MAF: variants seen among roughly 807,000 people sequenced by gnomAD.
The protein encoded by MAF is MAF bZIP transcription factor, also known as transcription factor Maf.
A neutral mutation model predicts 22.0 loss-of-function variants in MAF; 10 were observed. That is an observed-to-expected ratio of 0.45 (90% CI 0.28 to 0.77). The LOEUF is 0.77. MAF is among the 30% of genes least tolerant of loss of function. The pLI is 0.12. For synonymous variants in MAF, 337 were observed against 255.8 expected, an observed-to-expected ratio of 1.32 and a Z score of -3.03; for missense variants, 544 against 548.4, an observed-to-expected ratio of 0.99 and a Z score of 0.08.
At chr16:79,391,609 G>A in the MAF span, among the ~76,000 whole-genome samples, 1 of 152,140 alleles carries the variant, frequency 6.6e-6, no homozygotes, top group East Asian at 1.9e-4. Context: ...AGTGAAATGG[G>A]GGCACCCTGG....
the MAF span, among the ~76,000 whole-genome samples, chr16:79,350,537 C>G: frequency 1.3e-5 from 2 of 152,188 alleles, no homozygotes; most frequent in Non-Finnish European, 2.9e-5. Context: ...ACGTGATCAC[C>G]TGACTGCGTA....
chr16:79,572,863 T>A, the MAF span, among the ~76,000 whole-genome samples: 2 of 152,190 alleles, frequency 1.3e-5, no homozygotes, highest in Non-Finnish European at 2.9e-5. Context: ...GAAATGTGTA[T>A]AAAAAGGTGT....
chr16:79,287,743 ATTCT>A, the MAF span, among the ~76,000 whole-genome samples: 1 of 152,122 alleles, frequency 6.6e-6, no homozygotes, highest in Non-Finnish European at 1.5e-5. Context: ...TCATTCACTC[ATTCT>A]TTCATTCACT....
chr16:79,538,311 G>T, the MAF span, among the ~76,000 whole-genome samples: 6 of 152,186 alleles, frequency 3.9e-5, no homozygotes, highest in Admixed American at 3.9e-4. Flanking sequence ...AACCATTAGA[G>T]AAAGGAAGGC....
At chr16:79,329,596 A>G in the MAF span, among the ~76,000 whole-genome samples, 1 of 152,210 alleles carries the variant, frequency 6.6e-6, no homozygotes, top group African/African-American at 2.4e-5. Flanking sequence ...ATCCAGAAAT[A>G]TGATGGAAGT....
downstream of MAF, among the ~76,000 whole-genome samples, chr16:79,582,864 G>C (rs1478709871): frequency 6.6e-6 from 1 of 152,152 alleles, no homozygotes; most frequent in African/African-American, 2.4e-5. Context: ...TCTTAAAACC[G>C]AATATTTAGA....
the MAF span, among the ~76,000 whole-genome samples, chr16:79,396,836 G>A: frequency 4.6e-5 from 7 of 152,312 alleles, no homozygotes; most frequent in East Asian, 3.9e-4. Flanking sequence ...ATTTGCAGCC[G>A]AACTTAGGAA....
chr16:79,488,421 A>G, the MAF span, among the ~76,000 whole-genome samples: 1 of 151,824 alleles, frequency 6.6e-6, no homozygotes, highest in Admixed American at 6.6e-5. Flanking sequence ...GCCACCTAGT[A>G]CACTGGTGAC....
chr16:79,237,700 G>T, the MAF span, among the ~76,000 whole-genome samples: 4 of 152,110 alleles, frequency 2.6e-5, no homozygotes, highest in South Asian at 8.3e-4. Flanking sequence ...GGCGTTTGGG[G>T]CTGGATCACT....
chr16:79,299,447 G>T, the MAF span, among the ~76,000 whole-genome samples: 1 of 152,060 alleles, frequency 6.6e-6, no homozygotes, highest in South Asian at 2.1e-4. Context: ...GATAACAAAA[G>T]GTCCTAAATG....
chr16:79,429,196 ACT>A, the MAF span, among the ~76,000 whole-genome samples: 1 of 152,060 alleles, frequency 6.6e-6, no homozygotes, highest in African/African-American at 2.4e-5. Context: ...TTAAGGCTTA[ACT>A]CTGAGCCTCA....
intron 1 of MAF, chr16:79,598,106 T>G: frequency 9.6e-7 from 1 of 1,045,442 alleles, no homozygotes. Context: ...TTCACATTTT[T>G]TTTTCCTTTG....
chr16:79,365,094 A>C, the MAF span, among the ~76,000 whole-genome samples: 303 of 152,270 alleles, frequency 2.0e-3, no homozygotes, highest in Middle Eastern at 6.8e-3. Flanking sequence ...TCACTTTACT[A>C]TTTACATTGA....
chr16:79,363,194 G>C, the MAF span, among the ~76,000 whole-genome samples: 1 of 152,210 alleles, frequency 6.6e-6, no homozygotes, highest in Admixed American at 6.5e-5. Context: ...AGATGAACAA[G>C]GGTAGGGGGG....
the MAF span, among the ~76,000 whole-genome samples, chr16:79,461,492 C>T: frequency 6.6e-6 from 1 of 152,100 alleles, no homozygotes; most frequent in African/African-American, 2.4e-5. Context: ...TGGAGTATTG[C>T]CTAGGAAGCC....
At chr16:79,455,404 T>C in the MAF span, among the ~76,000 whole-genome samples, 1 of 152,156 alleles carries the variant, frequency 6.6e-6, no homozygotes, top group Admixed American at 6.6e-5. Context: ...AACTGAAACA[T>C]GTCCCCAGCC....
At chr16:79,398,262 A>C in the MAF span, among the ~76,000 whole-genome samples, 2 of 152,206 alleles carry the variant, frequency 1.3e-5, no homozygotes, top group Non-Finnish European at 2.9e-5. Flanking sequence ...TAGGTCCAGC[A>C]AGATAATCCA....
the MAF span, among the ~76,000 whole-genome samples, chr16:79,239,578 G>A: frequency 5.3e-5 from 8 of 152,008 alleles, no homozygotes; most frequent in Admixed American, 4.6e-4. Context: ...TCCACAGGGA[G>A]GCATTTCTGG....
intron 1 of MAF, among the ~76,000 whole-genome samples, chr16:79,588,503 G>C (rs1912995324): frequency 6.6e-6 from 1 of 151,870 alleles, no homozygotes. Flanking sequence ...GGCGCAATCT[G>C]GGCTTACTGC....
Sources: allele counts gnomAD v4.1 joint callset (sites outside exome capture counted in the v4.1 genomes callset), GRCh38; gene constraint gnomAD v4.1.1; transcripts MANE v1.5; gene names NCBI Gene and HGNC (gene_info 2026-07-23, HGNC 2026-07-21).